Variants in AGBL1 observed in about 807,000 individuals in gnomAD.
AGBL1 encodes the protein AGBL carboxypeptidase 1.
AGBL1 carries 130 observed loss-of-function variants against 118.9 expected under a neutral mutation model. The observed-to-expected ratio is 1.09, with a 90% confidence interval of 0.95 to 1.26. The LOEUF is 1.26. AGBL1 is among the 50% of genes most tolerant of loss of function. The probability of loss-of-function intolerance (pLI) is 0.00; values close to 1 mark genes in which losing one functional copy is unlikely to be tolerated. For missense variants in AGBL1, 1,584 were observed against 1,298.1 expected, an observed-to-expected ratio of 1.22 and a Z score of -3.38; for synonymous variants, 555 against 478.9, an observed-to-expected ratio of 1.16 and a Z score of -2.08.
chr15:86,505,565 A>G (rs1596199768), intron 18 of AGBL1, among the ~76,000 whole-genome samples: 1 of 151,850 alleles, frequency 6.6e-6, no homozygotes, highest in East Asian at 1.9e-4. Flanking sequence ...GTGATTTGTA[A>G]ATTTCAGGTA....
intron 21 of AGBL1, among the ~76,000 whole-genome samples, chr15:86,614,615 C>G (rs1484765623): frequency 1.3e-5 from 2 of 152,198 alleles, no homozygotes; most frequent in African/African-American, 2.4e-5. Flanking sequence ...TTTGAAGCTA[C>G]TGTTACTACA....
At chr15:86,477,603 C>T (rs1013787272) in intron 18 of AGBL1, among the ~76,000 whole-genome samples, 14 of 151,996 alleles carry the variant, frequency 9.2e-5, no homozygotes, top group Middle Eastern at 3.2e-3. Context: ...GCTTACCAAC[C>T]AAAAAAAGTT....
intron 21 of AGBL1, among the ~76,000 whole-genome samples, chr15:86,607,784 A>G (rs1162846688): frequency 2.0e-5 from 3 of 152,024 alleles, no homozygotes; most frequent in Admixed American, 6.6e-5. Context: ...GAGTTTTAAG[A>G]TGTGCTTTGC....
intron 1 of AGBL1, among the ~76,000 whole-genome samples, chr15:86,124,076 T>C (rs538161182): frequency 4.9e-4 from 74 of 152,066 alleles, no homozygotes; most frequent in African/African-American, 1.7e-3. Context: ...ACACTTAGAA[T>C]CCTAGCACTT....
At chr15:86,835,405 A>G (rs1224659871) in intron 22 of AGBL1, among the ~76,000 whole-genome samples, 1 of 152,206 alleles carries the variant, frequency 6.6e-6, no homozygotes, top group African/African-American at 2.4e-5. Context: ...GTCCTGAACT[A>G]TAAATGATCA....
intron 18 of AGBL1, among the ~76,000 whole-genome samples, chr15:86,410,412 C>A (rs1380377035): frequency 6.6e-6 from 1 of 152,084 alleles, no homozygotes; most frequent in East Asian, 1.9e-4. Flanking sequence ...TCCAACAAGA[C>A]AGTCAGAAGA....
rs2079071380 is a variant in AGBL1, at chr15:86,266,362, T to A, written c.1668-12T>A. 2 of 1,561,024 alleles carry A rather than the reference T, an allele frequency of 1.3e-6. No homozygotes were observed. The highest frequency in any genetic ancestry group is 1.9e-5 in the Admixed American group (1 of 52,434). On this transcript the variant is annotated splice_polypyrimidine_tract_variant and intron_variant, in intron 11 of 22. Transcript: ENST00000614907. ...GGCCGACCCTTAAAATGTTTTCAATTTTCTTTTTCAGGATCAGGATATTTG... is the reference window on the plus strand; with the variant it reads ...GGCCGACCCTTAAAATGTTTTCAATATTCTTTTTCAGGATCAGGATATTTG...
chr15:87,028,951 A>C (rs1311360324), exon 25 of AGBL1: 2 of 1,262,220 alleles, frequency 1.6e-6, no homozygotes, highest in African/African-American at 3.0e-5. Flanking sequence ...TGTCTTATGG[A>C]AAATGTTGCT....
chr15:86,499,807 C>T (rs1216529544), intron 18 of AGBL1, among the ~76,000 whole-genome samples: 1 of 151,776 alleles, frequency 6.6e-6, no homozygotes, highest in Non-Finnish European at 1.5e-5. Context: ...AAGTAGTGAC[C>T]TGGTTAGCAG....
chr15:86,799,719 C>T (rs527348603), intron 22 of AGBL1, among the ~76,000 whole-genome samples: 1 of 152,228 alleles, frequency 6.6e-6, no homozygotes, highest in South Asian at 2.1e-4. Context: ...AACCCCCTTA[C>T]ATCTTCATTT....
chr15:86,211,723 G>A (rs779184672), intron 5 of AGBL1, among the ~76,000 whole-genome samples: 9 of 152,150 alleles, frequency 5.9e-5, no homozygotes, highest in Non-Finnish European at 1.0e-4. Flanking sequence ...GGGAGCGTCC[G>A]AATTTTCCAG....
chr15:86,843,582 T>TC (rs2079276813), intron 22 of AGBL1, among the ~76,000 whole-genome samples: 1 of 152,128 alleles, frequency 6.6e-6, no homozygotes. Flanking sequence ...GCAAACATTG[T>TC]CCCCCAGGCA....
At chr15:86,516,543 T>A (rs1416409087) in intron 18 of AGBL1, among the ~76,000 whole-genome samples, 1 of 152,188 alleles carries the variant, frequency 6.6e-6, no homozygotes, top group East Asian at 1.9e-4. Flanking sequence ...CTGACGCCTG[T>A]CATCCCAGCA....
At chr15:86,112,090 C>T (rs1438442717) in intron 1 of AGBL1, among the ~76,000 whole-genome samples, 3 of 152,064 alleles carry the variant, frequency 2.0e-5, no homozygotes, top group East Asian at 1.9e-4. Flanking sequence ...ACTGATTCTA[C>T]ATTATGGGGA....
chr15:86,570,846 C>T (rs1433452657), intron 21 of AGBL1, among the ~76,000 whole-genome samples: 2 of 152,146 alleles, frequency 1.3e-5, no homozygotes, highest in Admixed American at 6.5e-5. Flanking sequence ...TGGGCTTGTT[C>T]CGCTCACTCG....
At chr15:86,779,140 A>G (rs189360740) in intron 22 of AGBL1, among the ~76,000 whole-genome samples, 2 of 152,140 alleles carry the variant, frequency 1.3e-5, no homozygotes, top group East Asian at 1.9e-4. Flanking sequence ...ATCGTTCACT[A>G]TTCTTATTAT....
At chr15:86,170,942 A>G (rs1567102159) in intron 5 of AGBL1, among the ~76,000 whole-genome samples, 2 of 152,156 alleles carry the variant, frequency 1.3e-5, no homozygotes, top group Admixed American at 6.6e-5. Flanking sequence ...CATTATGTAC[A>G]CAGAAACAAA....
chr15:86,894,806 A>C (rs1368504207), intron 22 of AGBL1, among the ~76,000 whole-genome samples: 1 of 152,174 alleles, frequency 6.6e-6, no homozygotes, highest in Non-Finnish European at 1.5e-5. Context: ...AAACAAGTTA[A>C]AGAAGGGAGA....
At chr15:86,671,934 C>A (rs1012428309) in intron 21 of AGBL1, among the ~76,000 whole-genome samples, 1 of 151,970 alleles carries the variant, frequency 6.6e-6, no homozygotes, top group African/African-American at 2.4e-5. Context: ...TTGAAAAATT[C>A]TCTTCCACAC....
Sources: allele counts gnomAD v4.1 joint callset (sites outside exome capture counted in the v4.1 genomes callset), GRCh38; gene constraint gnomAD v4.1.1; transcripts MANE v1.5; gene names NCBI Gene and HGNC (gene_info 2026-07-23, HGNC 2026-07-21).